The following JHY variants were observed in gnomAD, a reference collection of about 807,000 sequenced individuals.
JHY encodes jhy protein homolog.
JHY carries 69 observed loss-of-function variants against 78.0 expected under a neutral mutation model. The observed-to-expected ratio is 0.88, with a 90% CI of 0.73 to 1.08. The LOEUF (loss-of-function observed/expected upper bound fraction) is 1.08. Ranked by LOEUF, JHY falls within the 50% of genes least tolerant of loss-of-function variation. The probability of loss-of-function intolerance (pLI) is 0.00; values close to 1 mark genes in which losing one functional copy is unlikely to be tolerated. For synonymous variants in JHY, 368 were observed against 342.6 expected (o/e 1.07, Z -0.82); for missense variants, 944 against 927.8 (o/e 1.02, Z -0.23).
Position 122,917,351 on chromosome 11 carries a change from T to C in JHY, c.865-7546T>C, listed in dbSNP as rs912465258. ...GTGCTGTAGTTGTATGTGGCTAGAT[T>C]GTGAGGATGAGAATATGGATATTTA... is the stretch of plus-strand genomic sequence containing the variant. On this transcript the variant is annotated intron_variant, in intron 3 of 8. Coordinates refer to ENST00000227349, the MANE Select transcript of JHY (RefSeq NM_024806.4). The surrounding 1 kb of genome is among the most constrained non-coding windows in gnomAD (Gnocchi z 4.1). Among the ~76,000 whole-genome samples, 4 of 152,162 alleles carry C rather than the reference T, an allele frequency of 2.6e-5. No homozygotes were observed. Among genetic ancestry groups the C allele is most frequent in the Admixed American group, 6.6e-5 (1 of 15,264 alleles).
Position 122,935,900 on chromosome 11 carries a change from A to G in JHY, c.1634+825A>G, listed in dbSNP as rs1296352930. Among the ~76,000 whole-genome samples, 1 of 152,230 alleles carries G rather than the reference A, an allele frequency of 6.6e-6. No individual in the cohort carries two copies. Among genetic ancestry groups the G allele is most frequent in the East Asian group, 1.9e-4 (1 of 5,198 alleles). On this transcript the variant is annotated intron_variant, in intron 5 of 8. Transcript: ENST00000227349. This position sits in a 1 kb window ranked among gnomAD's most constrained non-coding sequence, Gnocchi z 4.5. Reference sequence around the variant, plus strand: ...CTATAGGAAGAAAATAGTAAGGTACAAAATTACACCTTGGGTTGAATGACA... The same window carrying G: ...CTATAGGAAGAAAATAGTAAGGTACGAAATTACACCTTGGGTTGAATGACA...
chr11:122,896,712 G>C (rs184005617), intron 2 of JHY, among the ~76,000 whole-genome samples: 5 of 152,162 alleles, frequency 3.3e-5, no homozygotes, highest in Non-Finnish European at 5.9e-5. Flanking sequence ...ACACAACAAC[G>C]GTGTTATGTC....
intron 6 of JHY, among the ~76,000 whole-genome samples, chr11:122,950,068 A>G (rs1365803174): frequency 6.6e-6 from 1 of 152,030 alleles, no homozygotes; most frequent in Admixed American, 6.5e-5. Flanking sequence ...TCCTGACCTC[A>G]GATGATCCAC....
intron 3 of JHY, among the ~76,000 whole-genome samples, chr11:122,907,773 C>T (rs1000735924): frequency 1.4e-5 from 2 of 139,804 alleles, no homozygotes; most frequent in Non-Finnish European, 3.0e-5. Flanking sequence ...GAACCCAGGG[C>T]GGTGAGCCGA....
chr11:122,898,421 A>G lies in JHY; in HGVS notation c.345-5504A>G, dbSNP rs1019212000. Among the ~76,000 whole-genome samples the G allele has an allele frequency of 1.3e-5, 2 of 152,162 alleles. No individual in the cohort carries two copies. Among genetic ancestry groups the G allele is most frequent in the Non-Finnish European group, 2.9e-5 (2 of 68,026 alleles). Reference sequence around the variant, plus strand: ...CTTGGGAGATGTACATAAGCCCTCTAAGCCTCAGTTTCCTCGTCTGTTAAA... The same window carrying G: ...CTTGGGAGATGTACATAAGCCCTCTGAGCCTCAGTTTCCTCGTCTGTTAAA... On this transcript the variant is annotated intron_variant, in intron 2 of 8. Coordinates refer to ENST00000227349, the MANE Select transcript of JHY (RefSeq NM_024806.4). This position sits in a 1 kb window ranked among gnomAD's most constrained non-coding sequence, Gnocchi z 4.4.
At chr11:122,889,104 A>G (rs1431282205) in intron 2 of JHY, among the ~76,000 whole-genome samples, 1 of 152,142 alleles carries the variant, frequency 6.6e-6, no homozygotes, top group Non-Finnish European at 1.5e-5. Context: ...AGTCCTCAGA[A>G]TTACTGTCTT....
At chr11:122,952,607 G>T (rs1435068570) in intron 6 of JHY, among the ~76,000 whole-genome samples, 1 of 152,188 alleles carries the variant, frequency 6.6e-6, no homozygotes, top group African/African-American at 2.4e-5. Context: ...GGTTTTCTGT[G>T]ATAGCCAACA....
intron 3 of JHY, among the ~76,000 whole-genome samples, chr11:122,919,018 A>G (rs1863294658): frequency 6.6e-6 from 1 of 152,272 alleles, no homozygotes; most frequent in African/African-American, 2.4e-5. Flanking sequence ...GGAAAAAGTT[A>G]TATTTCAGCC....
chr11:122,916,975 C>T (rs932547488), intron 3 of JHY, among the ~76,000 whole-genome samples: 4 of 151,628 alleles, frequency 2.6e-5, no homozygotes, highest in African/African-American at 4.9e-5. Flanking sequence ...TTTTATAGTT[C>T]CCCCCACCCC....
At position 122,907,303 on chromosome 11, in the gene JHY, C is replaced by T. The variant is rs529816093; in HGVS notation, c.864+2859C>T. The stretch of plus-strand genomic sequence containing the variant: ...GTAGACGTGTGTGTGTCTCTCCTCC[C>T]GATACAGATTATATGTTCCCTATGG... On this transcript the variant is annotated intron_variant, in intron 3 of 8. Transcript: ENST00000227349. 1.1e-4 allele frequency among the ~76,000 whole-genome samples: 16 copies of T among 151,926 alleles called. No homozygotes were observed. The East Asian group carries it at 2.7e-3, about 26-fold the overall frequency.
At chr11:122,919,127 G>A (rs1055668209) in intron 3 of JHY, among the ~76,000 whole-genome samples, 7 of 151,714 alleles carry the variant, frequency 4.6e-5, no homozygotes, top group Non-Finnish European at 7.4e-5. Context: ...CTCAGGTGGC[G>A]GATCACTTGA....
intron 2 of JHY, among the ~76,000 whole-genome samples, chr11:122,887,859 A>G (rs1862529186): frequency 1.3e-5 from 2 of 152,066 alleles, no homozygotes; most frequent in Admixed American, 6.6e-5. Context: ...TGCTTATGGT[A>G]TTGGAAGATA....
chr11:122,887,653 T>A (rs1205398213), intron 2 of JHY, among the ~76,000 whole-genome samples: 8 of 151,486 alleles, frequency 5.3e-5, no homozygotes, highest in Non-Finnish European at 4.4e-5. Flanking sequence ...GGCTGAAATA[T>A]ATTAAGGAAA....
chr11:122,913,070 G>C (rs1863164897), intron 3 of JHY, among the ~76,000 whole-genome samples: 2 of 152,032 alleles, frequency 1.3e-5, no homozygotes, highest in Admixed American at 1.3e-4. Context: ...TAAGAACAAA[G>C]TGTAGGCAAA....
rs775349083 is a variant in JHY, at chr11:122,887,693, G to A, written c.344+1500G>A. On this transcript the variant is annotated intron_variant, in intron 2 of 8. Transcript: ENST00000227349. ...ATTGGAAGGCCTAGAACTTGGACAG[G>A]GTCTTGAAAACAAGCTAAGTTCTGG... is the stretch of plus-strand genomic sequence containing the variant. Among the ~76,000 whole-genome samples the A allele has an allele frequency of 9.2e-5, 14 of 152,012 alleles. No individual in the cohort carries two copies. The South Asian group carries it at 1.2e-3, about 14-fold the overall frequency.
chr11:122,884,286 T>C (rs1321835678), intron 1 of JHY, among the ~76,000 whole-genome samples: 3 of 152,194 alleles, frequency 2.0e-5, no homozygotes, highest in Admixed American at 1.3e-4. Flanking sequence ...TTGCAAACAT[T>C]AGCAACAAGG....
chr11:122,921,904 A>T (rs1436010355), intron 3 of JHY, among the ~76,000 whole-genome samples: 1 of 152,210 alleles, frequency 6.6e-6, no homozygotes, highest in African/African-American at 2.4e-5. Flanking sequence ...GAACCGCTCG[A>T]GCCCAGGAGG....
intron 2 of JHY, among the ~76,000 whole-genome samples, chr11:122,902,699 A>G (rs1374517053): frequency 1.3e-5 from 2 of 152,120 alleles, no homozygotes; most frequent in African/African-American, 4.8e-5. Flanking sequence ...AGCAGGACCA[A>G]GAGAGAGGGT....
chr11:122,893,334 T>C (rs1022899325), intron 2 of JHY, among the ~76,000 whole-genome samples: 6 of 152,192 alleles, frequency 3.9e-5, no homozygotes. Flanking sequence ...TCGTAACAGA[T>C]GAGCAGTCAT....
Sources: allele counts gnomAD v4.1 joint callset (sites outside exome capture counted in the v4.1 genomes callset), GRCh38; gene constraint gnomAD v4.1.1; non-coding constraint Gnocchi (gnomAD v3.1); transcripts MANE v1.5; gene names NCBI Gene and HGNC (gene_info 2026-07-23, HGNC 2026-07-21).